Variants in COL4A6 observed in about 807,000 individuals in gnomAD.
The protein encoded by COL4A6 is collagen type IV alpha 6 chain.
In COL4A6, 59 loss-of-function variants were observed where a neutral mutation model predicts 126.7. The ratio of observed to expected loss-of-function variants is 0.47; its 90% CI spans 0.38 to 0.58. COL4A6 has a LOEUF of 0.58. Among genes scored for constraint, COL4A6 ranks in the 20% least tolerant of loss-of-function variants. The pLI, the probability that COL4A6 is intolerant of heterozygous loss-of-function variation, is 0.00. For synonymous variants in COL4A6, 547 were observed against 496.6 expected (o/e 1.10, Z -1.35); for missense variants, 1,285 against 1,337.3 (o/e 0.96, Z 0.61).
intron 3 of COL4A6, among the ~76,000 whole-genome samples, chrX:108,228,951 G>T (rs2036238462): frequency 8.9e-6 from 1 of 112,159 alleles, no homozygotes. Context: ...GAGCAGAGGG[G>T]CAAAGAAAGA....
At chrX:108,200,686 G>A (rs1441174442) in intron 13 of COL4A6, among the ~76,000 whole-genome samples, 2 of 111,329 alleles carry the variant, frequency 1.8e-5, no homozygotes, top group Non-Finnish European at 3.8e-5. Context: ...TCTAGTATTC[G>A]ATAGTGGAGT....
Position 108,192,594 on chromosome X carries a change from G to C in COL4A6, c.1073-14C>G. ...CTCCAGGATTACCTGGCATTGTAAT[G>C]AAAGAAAATAGTAAATAAAGACAGA... On this transcript the variant is annotated splice_polypyrimidine_tract_variant and intron_variant, in intron 17 of 44. Transcript: ENST00000334504. 2 of 1,104,252 alleles carry C rather than the reference G, an allele frequency of 1.8e-6. No individual in the cohort carries two copies. The highest frequency in any genetic ancestry group is 2.5e-6 in the Non-Finnish European group (2 of 806,363). The allele number at this position is 1,104,252 out of a possible 1,213,427, so 91.0% of individuals were successfully genotyped here.
intron 2 of COL4A6, among the ~76,000 whole-genome samples, chrX:108,394,953 A>G (rs1372931954): frequency 9.1e-6 from 1 of 110,396 alleles, no homozygotes; most frequent in African/African-American, 3.3e-5. Flanking sequence ...TTTTTTTTTT[A>G]TATTTCATTG....
intron 3 of COL4A6, among the ~76,000 whole-genome samples, chrX:108,280,032 G>A (rs779273954): frequency 4.5e-5 from 5 of 111,071 alleles, no homozygotes; most frequent in East Asian, 2.8e-4. Flanking sequence ...ATGCCCACAG[G>A]AGAAAGCAGG....
At chrX:108,344,955 G>A (rs1043856189) in intron 2 of COL4A6, among the ~76,000 whole-genome samples, 5 of 111,849 alleles carry the variant, frequency 4.5e-5, no homozygotes, top group Admixed American at 1.9e-4. Flanking sequence ...ATGGGTGGGG[G>A]ATGAATGTTC....
At chrX:108,208,762 G>A (rs1249842515) in intron 8 of COL4A6, among the ~76,000 whole-genome samples, 1 of 111,569 alleles carries the variant, frequency 9.0e-6, no homozygotes, top group Non-Finnish European at 1.9e-5. Flanking sequence ...GGCGGAGAGG[G>A]TAAGAAAGGT....
intron 3 of COL4A6, among the ~76,000 whole-genome samples, chrX:108,260,769 A>G (rs1470958753): frequency 1.8e-5 from 2 of 109,922 alleles, no homozygotes; most frequent in Non-Finnish European, 3.8e-5. Context: ...GATTCTGTGG[A>G]ATCTGCTGTG....
At chrX:108,301,340 C>G (rs2038483539) in intron 3 of COL4A6, among the ~76,000 whole-genome samples, 1 of 112,235 alleles carries the variant, frequency 8.9e-6, no homozygotes. Context: ...ATTTCTTAAA[C>G]CTTTAAAAGA....
intron 2 of COL4A6, among the ~76,000 whole-genome samples, chrX:108,390,020 T>C (rs2040799332): frequency 8.9e-6 from 1 of 112,016 alleles, no homozygotes; most frequent in Non-Finnish European, 1.9e-5. Flanking sequence ...AATTCTGGGT[T>C]GAAAATTCTT....
rs189504666 is a variant in COL4A6, at chrX:108,222,573, T to C, written c.145-1199A>G. On this transcript the variant is annotated intron_variant, in intron 3 of 44. Coordinates refer to ENST00000334504, the MANE Select transcript of COL4A6 (RefSeq NM_033641.4). ...CCAGCTGTGATGATCCTTTGGAGTA[T>C]AATTTTGAGTGTCAATCAGGCCCAC... 4.0e-4 allele frequency among the ~76,000 whole-genome samples: 45 copies of C among 111,860 alleles called. 1 individual carries two copies. The highest frequency in any genetic ancestry group is 3.7e-3 in the Admixed American group (39 of 10,538).
chrX:108,172,646 T>A, intron 31 of COL4A6, 114 bp from the exon 32 acceptor site: 2 of 545,761 alleles, frequency 3.7e-6, no homozygotes, highest in Non-Finnish European at 5.7e-6. Context: ...ATGTATTCTG[T>A]GGCAAGGGTG....
intron 2 of COL4A6, among the ~76,000 whole-genome samples, chrX:108,363,954 C>T (rs764695397): frequency 1.8e-5 from 2 of 110,899 alleles, no homozygotes; most frequent in South Asian, 4.0e-4. Context: ...CATTGCAAAC[C>T]TCTGCCTTCT....
chrX:108,172,365 GAAAAAAAAAAA>G (rs397935341), intron 32 of COL4A6, 93 bp downstream of exon 32: 38 of 111,226 alleles, frequency 3.4e-4, no homozygotes, highest in African/African-American at 1.8e-3. Flanking sequence ...GCCTAAAAAA[GAAAAAAAAAAA>G]AAAAAAAAAA....
Position 108,204,391 on chromosome X carries a change from G to A in COL4A6, c.709C>T (p.Pro237Ser), listed in dbSNP as rs1279765170. 6 of 1,202,546 alleles carry A rather than the reference G, an allele frequency of 5.0e-6. No homozygotes were observed. Among genetic ancestry groups the A allele is most frequent in the Non-Finnish European group, 6.7e-6 (6 of 890,402 alleles). ...CCAGTAGATGGTGGAGGTCCTGCTG[G>A]GCCAGGGAGGCCAACATCCCCCTGT... ...GVKGDVGLPG[P>S]AGPPPSTGEL... Residue 237 changes from proline to serine, a missense_variant, in exon 12 of 45, where the codon CCA (proline) becomes TCA (serine). Pro to Ser is a moderately conservative substitution (Grantham distance 74, BLOSUM62 -1). Transcript: ENST00000334504.
chrX:108,354,304 C>T (rs963787119), intron 2 of COL4A6, among the ~76,000 whole-genome samples: 1 of 111,703 alleles, frequency 9.0e-6, no homozygotes, highest in African/African-American at 3.3e-5. Context: ...GGTCTCTTCC[C>T]TCAACAAGCA....
chrX:108,338,685 A>G (rs1468412376), intron 2 of COL4A6, among the ~76,000 whole-genome samples: 2 of 111,881 alleles, frequency 1.8e-5, no homozygotes, highest in South Asian at 3.7e-4. Context: ...ATATGCTGCT[A>G]TTCTCAAAAG....
At chrX:108,247,764 C>T (rs192122415) in intron 3 of COL4A6, among the ~76,000 whole-genome samples, 2 of 111,387 alleles carry the variant, frequency 1.8e-5, no homozygotes, top group East Asian at 5.7e-4. Context: ...TCCACCTGCC[C>T]CCCACTGCCA....
chrX:108,205,176 A>G (rs746355995), intron 11 of COL4A6, among the ~76,000 whole-genome samples: 6 of 111,217 alleles, frequency 5.4e-5, no homozygotes, highest in Middle Eastern at 4.6e-3. Flanking sequence ...TCAAGGGAAT[A>G]TGTTTGTAAG....
intron 8 of COL4A6, among the ~76,000 whole-genome samples, chrX:108,208,560 C>T (rs369571097): frequency 9.8e-5 from 11 of 111,932 alleles, no homozygotes; most frequent in East Asian, 2.8e-4. Flanking sequence ...TATTTGGACA[C>T]GAAGCAACAC....
Sources: gnomAD v4.1 joint callset for allele counts (sites outside exome capture counted in the v4.1 genomes callset) on GRCh38, gnomAD v4.1.1 for gene constraint, MANE v1.5 for transcripts, NCBI Gene and HGNC (gene_info 2026-07-23, HGNC 2026-07-21) for gene names.